KALRN: variants seen among roughly 807,000 people sequenced by gnomAD.
KALRN encodes the protein kalirin RhoGEF kinase.
Under a neutral mutation model 353.7 loss-of-function variants are expected in KALRN, and 70 were observed. The ratio of observed to expected loss-of-function variants is 0.20; its 90% CI spans 0.16 to 0.24. The LOEUF (loss-of-function observed/expected upper bound fraction) is 0.24. Ranked by LOEUF, KALRN falls within the 10% of genes least tolerant of loss-of-function variation. The probability of loss-of-function intolerance (pLI) is 1.00; values close to 1 mark genes in which losing one functional copy is unlikely to be tolerated. For synonymous variants in KALRN, 1,391 were observed against 1,434.8 expected (o/e 0.97, Z 0.69); for missense variants, 2,791 against 3,756.7 (o/e 0.74, Z 6.72).
intron 51 of KALRN, among the ~76,000 whole-genome samples, chr3:124,691,252 G>A (rs2150572443): frequency 6.6e-6 from 1 of 152,136 alleles, no homozygotes. Flanking sequence ...AACGTGGCGA[G>A]ACCCCGTCTC....
intron 1 of KALRN, among the ~76,000 whole-genome samples, chr3:124,195,222 A>C (rs1258270213): frequency 6.6e-6 from 1 of 152,164 alleles, no homozygotes; most frequent in Admixed American, 6.5e-5. Flanking sequence ...AGGTTAGCCA[A>C]GCTGATGGGG....
intron 1 of KALRN, among the ~76,000 whole-genome samples, chr3:124,128,257 CA>C (rs1266220808): frequency 6.6e-6 from 1 of 152,122 alleles, no homozygotes; most frequent in Non-Finnish European, 1.5e-5. Context: ...AGTTTATGAA[CA>C]AAGAAAACCA....
intron 1 of KALRN, among the ~76,000 whole-genome samples, chr3:124,122,682 A>G (rs1347234376): frequency 6.6e-6 from 1 of 152,174 alleles, no homozygotes; most frequent in East Asian, 1.9e-4. Context: ...TAAAACTGCA[A>G]ACTTAATAAT....
intron 1 of KALRN, among the ~76,000 whole-genome samples, chr3:124,141,434 T>C (rs2066616943): frequency 6.6e-6 from 1 of 152,122 alleles, no homozygotes; most frequent in South Asian, 2.1e-4. Flanking sequence ...CTCATGTGGG[T>C]GAGATTTTTC....
At chr3:124,374,968 G>A (rs1181199441) in intron 10 of KALRN, among the ~76,000 whole-genome samples, 1 of 152,086 alleles carries the variant, frequency 6.6e-6, no homozygotes, top group African/African-American at 2.4e-5. Flanking sequence ...GCCGAGATGG[G>A]GTCACTGGGC....
intron 34 of KALRN, among the ~76,000 whole-genome samples, chr3:124,605,584 A>AGAGAGAGAGAGAGAGAGAGAGAG (rs377624275): frequency 7.6e-6 from 1 of 132,156 alleles, no homozygotes; most frequent in African/African-American, 3.4e-5. Context: ...AAAAAAAAAA[A>AGAGAGAGAGAGAGAGAGAGAGAG]AAAGAGAGAG....
At chr3:124,567,566 G>C (rs939846386) in intron 34 of KALRN, among the ~76,000 whole-genome samples, 3 of 152,132 alleles carry the variant, frequency 2.0e-5, no homozygotes, top group Non-Finnish European at 4.4e-5. Flanking sequence ...CACTGGGATT[G>C]GGCCCTCCAG....
chr3:124,668,798 A>G (rs1312713441), intron 47 of KALRN, among the ~76,000 whole-genome samples: 2 of 152,218 alleles, frequency 1.3e-5, no homozygotes, highest in Non-Finnish European at 2.9e-5. Flanking sequence ...AATATAATAT[A>G]CAACTTCAAA....
intron 34 of KALRN, among the ~76,000 whole-genome samples, chr3:124,572,438 G>C (rs1479496069): frequency 5.9e-5 from 9 of 151,858 alleles, no homozygotes. Context: ...TCCTTAAAAG[G>C]GTACTGGCAA....
At chr3:124,176,969 C>T (rs1183429352) in intron 1 of KALRN, among the ~76,000 whole-genome samples, 1 of 152,170 alleles carries the variant, frequency 6.6e-6, no homozygotes, top group African/African-American at 2.4e-5. Flanking sequence ...GTCAGACTCC[C>T]AGGGCAGAGA....
At chr3:124,572,290 A>C (rs1186159440) in intron 34 of KALRN, among the ~76,000 whole-genome samples, 1 of 150,962 alleles carries the variant, frequency 6.6e-6, no homozygotes, top group Non-Finnish European at 1.5e-5. Flanking sequence ...GTGCCACTGC[A>C]CTCCAGTCTG....
intron 1 of KALRN, among the ~76,000 whole-genome samples, chr3:124,200,379 A>G (rs2075840135): frequency 6.6e-6 from 1 of 152,208 alleles, no homozygotes; most frequent in South Asian, 2.1e-4. Context: ...TCCAGGATCA[A>G]GGTGCCTGCA....
intron 57 of KALRN, among the ~76,000 whole-genome samples, chr3:124,709,216 G>A (rs559109272): frequency 3.9e-5 from 6 of 152,104 alleles, no homozygotes; most frequent in African/African-American, 1.4e-4. Context: ...CAAAACAAGA[G>A]CATAATCCTG....
chr3:124,585,016 G>A (rs1399887031), intron 34 of KALRN: 2 of 1,322,762 alleles, frequency 1.5e-6, no homozygotes, highest in African/African-American at 3.0e-5. Context: ...GGGGTAGGCG[G>A]ATGGGGCTGG....
chr3:124,478,407 C>T (rs1013720645), intron 27 of KALRN, among the ~76,000 whole-genome samples: 2 of 152,206 alleles, frequency 1.3e-5, no homozygotes, highest in African/African-American at 4.8e-5. Context: ...GAAACCTTCC[C>T]TGAGCATCTT....
chr3:124,335,505 C>T (rs2081049166), intron 9 of KALRN, among the ~76,000 whole-genome samples: 1 of 152,140 alleles, frequency 6.6e-6, no homozygotes, highest in Admixed American at 6.5e-5. Flanking sequence ...TCTCCTTGTA[C>T]TTTCTCTGTT....
intron 33 of KALRN, among the ~76,000 whole-genome samples, chr3:124,533,567 C>T (rs1411869869): frequency 6.6e-6 from 1 of 152,144 alleles, no homozygotes; most frequent in African/African-American, 2.4e-5. Flanking sequence ...GTCACCTGAG[C>T]TTGGCAAGTT....
Position 124,449,236 on chromosome 3 carries a change from G to T in KALRN, c.3552+2351G>T, listed in dbSNP as rs75491994. Among the ~76,000 whole-genome samples the T allele has an allele frequency of 5.2e-4, 79 of 152,306 alleles. No individual in the cohort carries two copies. The East Asian group carries it at 0.011, about 21-fold the overall frequency. Reference sequence around the variant, plus strand: ...GTGGCCCTTATGGTTGAATAGGGCAGTGGAGTACATTGAATTTAATAATAC... The same window carrying T: ...GTGGCCCTTATGGTTGAATAGGGCATTGGAGTACATTGAATTTAATAATAC... On this transcript the variant is annotated intron_variant, in intron 21 of 59. Transcript: ENST00000682506.
chr3:124,330,454 G>C (rs971298215), intron 8 of KALRN, among the ~76,000 whole-genome samples: 1 of 152,080 alleles, frequency 6.6e-6, no homozygotes, highest in African/African-American at 2.4e-5. Flanking sequence ...ATTAAAAAAA[G>C]ATTAATTTTC....
Sources: allele counts gnomAD v4.1 joint callset (sites outside exome capture counted in the v4.1 genomes callset), GRCh38; gene constraint gnomAD v4.1.1; transcripts MANE v1.5; gene names NCBI Gene and HGNC (gene_info 2026-07-23, HGNC 2026-07-21).